Variants in SYT16 observed in about 807,000 individuals in gnomAD.
SYT16 encodes synaptotagmin 16, also known as synaptotagmin-16.
SYT16 carries 42 observed loss-of-function variants against 61.4 expected under a neutral mutation model. The observed-to-expected ratio is 0.68, with a 90% CI of 0.53 to 0.89. The LOEUF is 0.89. SYT16 is among the 40% of genes least tolerant of loss of function. SYT16 has a pLI of 0.00. For missense variants in SYT16, 804 were observed against 807.3 expected (o/e 1.00, Z 0.05); for synonymous variants, 314 against 302.3 (o/e 1.04, Z -0.40).
At chr14:62,062,274 C>A (rs930976559) in intron 3 of SYT16, among the ~76,000 whole-genome samples, 1 of 151,944 alleles carries the variant, frequency 6.6e-6, no homozygotes, top group East Asian at 1.9e-4. Context: ...TCTTAAGTAG[C>A]CTCAGCCTTA....
intron 6 of SYT16, 37 bp downstream of exon 6, chr14:62,081,311 T>A (rs1320527658): frequency 1.3e-6 from 2 of 1,578,244 alleles, no homozygotes; most frequent in Non-Finnish European, 1.7e-6. Flanking sequence ...TGATGTGGTG[T>A]GTTCGAAGAC....
At chr14:62,041,728 A>AT (rs1055300862) in intron 3 of SYT16, among the ~76,000 whole-genome samples, 19 of 151,476 alleles carry the variant, frequency 1.3e-4, no homozygotes, top group African/African-American at 3.2e-4. Context: ...TATTTTTTAG[A>AT]TTTTTTTTCT....
rs954217188 is a variant in SYT16 at position 62,080,157 on chromosome 14, G to T, written c.994-677G>T. 2.0e-4 allele frequency among the ~76,000 whole-genome samples: 30 copies of T among 152,154 alleles called. 1 individual carries two copies. The highest frequency in any genetic ancestry group is 6.5e-4 in the African/African-American group (27 of 41,414). ...TTGCTGTTTACTAAAGGGCTGTGGA[G>T]GTGTCCTCCTAAATCCTTGCTGCTC... On this transcript the variant is annotated intron_variant, in intron 5 of 7. Coordinates refer to ENST00000683842, the MANE Select transcript of SYT16 (RefSeq NM_001367656.1).
At chr14:62,047,507 C>G (rs1258364491) in intron 3 of SYT16, among the ~76,000 whole-genome samples, 2 of 152,254 alleles carry the variant, frequency 1.3e-5, no homozygotes, top group African/African-American at 4.8e-5. Context: ...ACTTCCAACA[C>G]TATGTTGAAT....
chr14:61,954,497 A>C (rs996147906), intron 1 of SYT16, among the ~76,000 whole-genome samples: 1 of 152,112 alleles, frequency 6.6e-6, no homozygotes, highest in African/African-American at 2.4e-5. Flanking sequence ...ACTTTGAGGA[A>C]GTTTTTAGCA....
intron 3 of SYT16, among the ~76,000 whole-genome samples, chr14:62,045,673 A>T (rs188640107): frequency 1.3e-5 from 2 of 152,052 alleles, no homozygotes; most frequent in African/African-American, 2.4e-5. Flanking sequence ...TCATTGTTCA[A>T]TTCCCACCTA....
chr14:62,063,501 A>G (rs970488280), intron 3 of SYT16, among the ~76,000 whole-genome samples: 5 of 152,330 alleles, frequency 3.3e-5, no homozygotes, highest in African/African-American at 1.2e-4. Flanking sequence ...TAGAGAGATT[A>G]AAGGAACTTG....
chr14:61,943,443 A>G (rs2050288741), intron 1 of SYT16, among the ~76,000 whole-genome samples: 2 of 152,258 alleles, frequency 1.3e-5, no homozygotes, highest in South Asian at 4.1e-4. Context: ...AGAAAATTTC[A>G]GGGCAATATC....
intron 2 of SYT16, among the ~76,000 whole-genome samples, chr14:61,981,089 C>T (rs376155794): frequency 1.3e-5 from 2 of 152,228 alleles, no homozygotes; most frequent in South Asian, 4.1e-4. Context: ...GCCAATTTTG[C>T]GCTTGCAGTC....
At chr14:61,909,644 G>C (rs1243023507) in intron 1 of SYT16, among the ~76,000 whole-genome samples, 3 of 152,094 alleles carry the variant, frequency 2.0e-5, no homozygotes, top group African/African-American at 7.2e-5. Flanking sequence ...TTTTTCCCAA[G>C]TAAGCTCATA....
chr14:61,838,326 A>C (rs1203658202), intron 1 of SYT16, among the ~76,000 whole-genome samples: 1 of 151,796 alleles, frequency 6.6e-6, no homozygotes, highest in Admixed American at 6.6e-5. Flanking sequence ...GGCCCAGTCC[A>C]CTCCCCACAG....
At chr14:62,057,932 A>G (rs1566806407) in intron 3 of SYT16, among the ~76,000 whole-genome samples, 1 of 152,054 alleles carries the variant, frequency 6.6e-6, no homozygotes, top group East Asian at 1.9e-4. Flanking sequence ...TTTGTAATCC[A>G]TCTCTCTCTC....
rs217660 is a variant in SYT16, at chr14:61,864,944, G to C, written c.-325+52134G>C. On this transcript the variant is annotated intron_variant, in intron 1 of 7. Transcript: ENST00000683842. ...AACCGGGGTCCTGGGCTGCCTGCAG[G>C]CCTTGAAAGTGCTGAAAATTGCTGC... The C allele has an allele frequency of 0.015, 20,134 of 1,302,038 alleles. 1,387 individuals carry two copies. In the African/African-American group the frequency reaches 0.19, roughly 12 times the overall value. The allele number at this position is 1,302,038 out of a possible 1,614,324, so 80.7% of individuals were successfully genotyped here.
chr14:62,039,713 C>T (rs141115165), intron 3 of SYT16, among the ~76,000 whole-genome samples: 1 of 152,188 alleles, frequency 6.6e-6, no homozygotes, highest in Non-Finnish European at 1.5e-5. Context: ...TATGTGTTGA[C>T]AGAGGCAGAT....
At chr14:61,814,053 A>G (rs996033685) in intron 1 of SYT16, among the ~76,000 whole-genome samples, 1 of 152,178 alleles carries the variant, frequency 6.6e-6, no homozygotes, top group Admixed American at 6.5e-5. Flanking sequence ...GCTGTCATTC[A>G]TAGCTCTTAC....
chr14:61,997,855 C>A (rs144945841), intron 3 of SYT16, among the ~76,000 whole-genome samples: 23 of 152,098 alleles, frequency 1.5e-4, no homozygotes, highest in African/African-American at 5.5e-4. Flanking sequence ...ATTGTAAAAT[C>A]TAATGGCAGT....
chr14:61,883,909 G>T (rs1187089581), intron 1 of SYT16, among the ~76,000 whole-genome samples: 1 of 152,192 alleles, frequency 6.6e-6, no homozygotes, highest in Non-Finnish European at 1.5e-5. Flanking sequence ...AATGCCAGAT[G>T]CTTATAAAAC....
At chr14:61,977,053 C>T (rs1252842925) in intron 2 of SYT16, among the ~76,000 whole-genome samples, 1 of 152,134 alleles carries the variant, frequency 6.6e-6, no homozygotes, top group African/African-American at 2.4e-5. Context: ...GCAAGGGTGG[C>T]CTTTGCTCCT....
chr14:61,941,143 G>A (rs779266221), intron 1 of SYT16, among the ~76,000 whole-genome samples: 20 of 152,172 alleles, frequency 1.3e-4, no homozygotes, highest in Non-Finnish European at 2.5e-4. Context: ...AGTGTTGAAG[G>A]TGAGGTTCTC....
Sources: allele counts gnomAD v4.1 joint callset (sites outside exome capture counted in the v4.1 genomes callset), GRCh38; gene constraint gnomAD v4.1.1; transcripts MANE v1.5; gene names NCBI Gene and HGNC (gene_info 2026-07-23, HGNC 2026-07-21).